The following FARP2 variants were observed in gnomAD, a reference collection of about 807,000 sequenced individuals.
FARP2 encodes the protein FERM, ARHGEF and pleckstrin domain-containing protein 2.
In FARP2, 111 loss-of-function variants were observed where a neutral mutation model predicts 130.5. The ratio of observed to expected loss-of-function variants is 0.85; its 90% CI spans 0.73 to 1.00. The LOEUF is 1.00. FARP2 is among the 50% of genes least tolerant of loss of function. The pLI is 0.00. For synonymous variants in FARP2, 504 were observed against 516.9 expected (o/e 0.98, Z 0.34); for missense variants, 1,385 against 1,346.3 (o/e 1.03, Z -0.45).
intron 17 of FARP2, chr2:241,466,004 A>C: frequency 4.4e-6 from 6 of 1,361,164 alleles, no homozygotes; most frequent in Non-Finnish European, 5.7e-6. Flanking sequence ...TTAAAATTGA[A>C]ATATACACAA....
At chr2:241,451,282 G>T (rs1440385682) in intron 13 of FARP2, among the ~76,000 whole-genome samples, 2 of 152,096 alleles carry the variant, frequency 1.3e-5, no homozygotes, top group African/African-American at 4.8e-5. Flanking sequence ...CCAATTTGCC[G>T]CTTTGAGAGT....
chr2:241,466,723 T>G, intron 17 of FARP2: 5 of 422,088 alleles, frequency 1.2e-5, no homozygotes, highest in Non-Finnish European at 1.4e-5. Context: ...CGTACCCTCC[T>G]AGGGGCTTCC....
intron 7 of FARP2, among the ~76,000 whole-genome samples, chr2:241,414,461 G>A (rs1288414986): frequency 6.6e-6 from 1 of 152,192 alleles, no homozygotes; most frequent in East Asian, 1.9e-4. Context: ...GTGTCGTTAA[G>A]GCTCTACCGG....
intron 2 of FARP2, among the ~76,000 whole-genome samples, chr2:241,402,850 A>C (rs1334476233): frequency 2.0e-4 from 1 of 5,072 alleles, no homozygotes; most frequent in African/African-American, 6.6e-4. Context: ...ATATATATAT[A>C]TATATATATA....
intron 2 of FARP2, among the ~76,000 whole-genome samples, chr2:241,401,367 C>T (rs1042959092): frequency 6.6e-6 from 1 of 152,198 alleles, no homozygotes; most frequent in African/African-American, 2.4e-5. Flanking sequence ...CCACCTCCAC[C>T]TCTGCTTAGT....
chr2:241,459,860 C>G lies in FARP2; in HGVS notation c.1588-2663C>G, dbSNP rs3771582. On this transcript the variant is annotated intron_variant, in intron 14 of 26. Coordinates refer to ENST00000264042, the MANE Select transcript of FARP2 (RefSeq NM_014808.4). This position sits in a 1 kb window ranked among gnomAD's most constrained non-coding sequence, Gnocchi z 5.3. Reference sequence around the variant, plus strand: ...CAGGGGCGGGACGGAAGACCCTTCTCTTGGCCAGTCTGCTCCCCTGACTCC... The same window carrying G: ...CAGGGGCGGGACGGAAGACCCTTCTGTTGGCCAGTCTGCTCCCCTGACTCC... Among the ~76,000 whole-genome samples the G allele has an allele frequency of 0.078, 11,914 of 152,110 alleles. 493 individuals carry two copies. Among genetic ancestry groups the G allele is most frequent in the Middle Eastern group, 0.13 (37 of 294 alleles).
At chr2:241,488,963 CT>C (rs1331526494) in intron 21 of FARP2, 1 of 152,198 alleles carries the variant, frequency 6.6e-6, no homozygotes, top group Non-Finnish European at 1.5e-5. Context: ...AGATTCTTTG[CT>C]ATTCTCAAGC....
At chr2:241,369,899 GTCT>G (rs923384127) in intron 1 of FARP2, among the ~76,000 whole-genome samples, 1 of 152,150 alleles carries the variant, frequency 6.6e-6, no homozygotes, top group Non-Finnish European at 1.5e-5. Context: ...CAAAGTGGAA[GTCT>G]TCTTCATTTG....
intron 18 of FARP2, among the ~76,000 whole-genome samples, chr2:241,473,583 G>C (rs1336823565): frequency 2.0e-5 from 3 of 152,232 alleles, no homozygotes; most frequent in Non-Finnish European, 4.4e-5. Flanking sequence ...GTGTCCATGT[G>C]GCAGTCAGGC....
At chr2:241,413,538 T>G (rs767998953) in intron 7 of FARP2, 117 bp downstream of exon 7, 30 of 738,310 alleles carry the variant, frequency 4.1e-5, no homozygotes, top group Non-Finnish European at 6.5e-5. Context: ...GGACCATTGC[T>G]CCTGGCCTCA....
chr2:241,494,144 T>C lies in FARP2; in HGVS notation c.*19T>C. ...GGAATGACGCTCAACCTGCCCAGGTTTGGACACAACTACAAAGAACAGCAG... is the reference window on the plus strand; with the variant it reads ...GGAATGACGCTCAACCTGCCCAGGTCTGGACACAACTACAAAGAACAGCAG... On this transcript the variant is annotated 3_prime_UTR_variant, in exon 27 of 27. Transcript: ENST00000264042. The surrounding 1 kb of genome is among the most constrained non-coding windows in gnomAD (Gnocchi z 4.9). The C allele has an allele frequency of 1.4e-6, 2 of 1,418,016 alleles. No homozygotes were observed. Among genetic ancestry groups the C allele is most frequent in the Non-Finnish European group, 1.9e-6 (2 of 1,067,616 alleles). 87.8% of individuals were successfully genotyped at this position (1,418,016 alleles called of 1,614,324 possible). A position where few individuals can be genotyped will look rare whatever the true frequency, so the allele number is the denominator to read the frequency against.
intron 2 of FARP2, among the ~76,000 whole-genome samples, chr2:241,392,656 C>T (rs2061934751): frequency 6.6e-6 from 1 of 152,054 alleles, no homozygotes. Context: ...GCAGAAGTAG[C>T]AGTCTGGATG....
intron 5 of FARP2, among the ~76,000 whole-genome samples, chr2:241,410,487 A>G (rs1458352589): frequency 3.3e-5 from 5 of 149,494 alleles, no homozygotes; most frequent in South Asian, 4.2e-4. Context: ...CATGGAGTGC[A>G]GTGGCATGAT....
intron 8 of FARP2, among the ~76,000 whole-genome samples, chr2:241,421,963 T>A (rs2062819559): frequency 6.6e-6 from 1 of 151,758 alleles, no homozygotes; most frequent in Non-Finnish European, 1.5e-5. Flanking sequence ...GGACAACATG[T>A]TGAAACACCA....
At position 241,494,393 on chromosome 2, in the gene FARP2, C is replaced by A. The variant is rs1191183403; in HGVS notation, c.*268C>A. On this transcript the variant is annotated 3_prime_UTR_variant, in exon 27 of 27. Coordinates refer to ENST00000264042, the MANE Select transcript of FARP2 (RefSeq NM_014808.4). The surrounding 1 kb of genome is among the most constrained non-coding windows in gnomAD (Gnocchi z 4.9). ...GCCGCTCAAGCCACAGCTCCCAGGCCCCTGGCTCAAAGACGCAGACAAGGC... is the reference window on the plus strand; with the variant it reads ...GCCGCTCAAGCCACAGCTCCCAGGCACCTGGCTCAAAGACGCAGACAAGGC... 1 of 289,094 alleles carries A rather than the reference C, an allele frequency of 3.5e-6. No homozygotes were observed. The highest frequency in any genetic ancestry group is 5.6e-5 in the East Asian group (1 of 17,772). The allele number at this position is 289,094 out of a possible 1,614,324, so 17.9% of individuals were successfully genotyped here.
chr2:241,389,017 A>G (rs1366010664), intron 2 of FARP2, among the ~76,000 whole-genome samples: 1 of 152,186 alleles, frequency 6.6e-6, no homozygotes, highest in Non-Finnish European at 1.5e-5. Context: ...GAGGTGGCTC[A>G]TGCCTGTAAT....
At chr2:241,462,496 A>C (rs374346479) in intron 14 of FARP2, 27 bp from the exon 15 acceptor site, 423 of 1,572,754 alleles carry the variant, frequency 2.7e-4, no homozygotes, top group Non-Finnish European at 3.2e-4. Context: ...CCAGGGACGC[A>C]CACTTACAGC....
Position 241,493,306 on chromosome 2 carries a change from T to TG in FARP2, c.2911dup (p.Ala971GlyfsTer39), listed in dbSNP as rs762201085. ...GCTGTCTTGCAGGATGACTACCCAC[T>TG]GGCCAGCCTCCCGCTGCTGGGCTAC... On this transcript the variant is annotated frameshift_variant, in exon 26 of 27. Transcript: ENST00000264042. LOFTEE classifies it high-confidence loss of function. 1 of 1,613,846 alleles carries TG rather than the reference T, an allele frequency of 6.2e-7. No homozygotes were observed. Among genetic ancestry groups the TG allele is most frequent in the Admixed American group, 1.7e-5 (1 of 60,018 alleles).
intron 1 of FARP2, among the ~76,000 whole-genome samples, chr2:241,357,084 CAT>C (rs930045601): frequency 1.3e-5 from 2 of 152,232 alleles, no homozygotes; most frequent in Non-Finnish European, 2.9e-5. Context: ...CCTGGCCTAT[CAT>C]GTGCCATTAA....
Sources: gnomAD v4.1 joint callset for allele counts (sites outside exome capture counted in the v4.1 genomes callset) on GRCh38, gnomAD v4.1.1 for gene constraint, Gnocchi (gnomAD v3.1) non-coding constraint, MANE v1.5 for transcripts, NCBI Gene and HGNC (gene_info 2026-07-23, HGNC 2026-07-21) for gene names.